PCSK5: variants seen among roughly 807,000 people sequenced by gnomAD.
PCSK5 encodes prohormone convertase 5.
PCSK5 carries 129 observed loss-of-function variants against 233.2 expected under a neutral mutation model. That is an observed-to-expected ratio of 0.55 (90% CI 0.48 to 0.64). The LOEUF is 0.64. PCSK5 is among the 30% of genes least tolerant of loss of function. The pLI is 0.00. For synonymous variants in PCSK5, 825 were observed against 879.2 expected, an observed-to-expected ratio of 0.94 and a Z score of 1.09; for missense variants, 2,076 against 2,430.1, an observed-to-expected ratio of 0.85 and a Z score of 3.06.
At chr9:75,996,857 C>G (rs892244411) in intron 3 of PCSK5, among the ~76,000 whole-genome samples, 1 of 113,506 alleles carries the variant, frequency 8.8e-6, no homozygotes, top group Non-Finnish European at 1.9e-5. Context: ...TAAGATTTTT[C>G]TTTAATTAGT....
chr9:76,078,489 G>T (rs1830717517), intron 7 of PCSK5, among the ~76,000 whole-genome samples: 1 of 152,242 alleles, frequency 6.6e-6, no homozygotes, highest in African/African-American at 2.4e-5. Context: ...TCATTCTTCT[G>T]TATAAGACTA....
intron 24 of PCSK5, among the ~76,000 whole-genome samples, chr9:76,285,104 GCT>G (rs1828022226): frequency 6.6e-6 from 1 of 152,174 alleles, no homozygotes; most frequent in African/African-American, 2.4e-5. Context: ...TTGGAGAGTG[GCT>G]GATGCTGGAA....
rs984199013 is a variant in PCSK5, at chr9:76,116,613, C to T, written c.1208+9262C>T. ...TAAGAGATAAAATGGTGGAAAAAAA[C>T]GGCAGTCAGCCTTCAATGAATGCTT... On this transcript the variant is annotated intron_variant, in intron 9 of 37. Transcript: ENST00000674117. Among the ~76,000 whole-genome samples, 5 of 151,484 alleles carry T rather than the reference C, an allele frequency of 3.3e-5. 1 individual carries two copies. In the South Asian group the frequency reaches 6.3e-4, roughly 19 times the overall value.
At chr9:76,038,425 T>C (rs919027406) in intron 5 of PCSK5, among the ~76,000 whole-genome samples, 1 of 152,222 alleles carries the variant, frequency 6.6e-6, no homozygotes, top group Non-Finnish European at 1.5e-5. Flanking sequence ...GCAGTCTTAA[T>C]TGTGACCTGT....
chr9:75,976,610 A>T (rs1826033648), intron 2 of PCSK5, among the ~76,000 whole-genome samples: 1 of 152,086 alleles, frequency 6.6e-6, no homozygotes, highest in Non-Finnish European at 1.5e-5. Context: ...CAAAAAAAAA[A>T]ATTGTCCTTA....
intron 3 of PCSK5, among the ~76,000 whole-genome samples, chr9:76,020,336 CTCTGGAT>C (rs1177688080): frequency 1.3e-5 from 2 of 152,176 alleles, no homozygotes; most frequent in African/African-American, 4.8e-5. Flanking sequence ...AGCCTTTGGT[CTCTGGAT>C]TCTTGAGGTA....
At chr9:76,004,955 T>A (rs1052071382) in intron 3 of PCSK5, among the ~76,000 whole-genome samples, 1 of 152,230 alleles carries the variant, frequency 6.6e-6, no homozygotes, top group African/African-American at 2.4e-5. Context: ...GGTTCTTATG[T>A]CCTTTTTCAG....
At chr9:75,937,241 C>T (rs145662330) in intron 2 of PCSK5, among the ~76,000 whole-genome samples, 396 of 149,704 alleles carry the variant, frequency 2.6e-3, no homozygotes, top group African/African-American at 8.1e-3. Flanking sequence ...TGCAATGGCA[C>T]GATTTCAGCT....
intron 3 of PCSK5, among the ~76,000 whole-genome samples, chr9:76,021,882 C>T (rs1185183847): frequency 6.6e-6 from 1 of 152,126 alleles, no homozygotes; most frequent in Non-Finnish European, 1.5e-5. Flanking sequence ...TAACTTTCTG[C>T]CTTCTGTGCC....
intron 24 of PCSK5, among the ~76,000 whole-genome samples, chr9:76,291,505 G>A (rs1332213361): frequency 6.6e-6 from 1 of 152,156 alleles, no homozygotes; most frequent in Non-Finnish European, 1.5e-5. Flanking sequence ...AAGAACTGCA[G>A]GCCAGAGGAA....
Position 76,296,816 on chromosome 9 carries a change from G to T in PCSK5, c.3474G>T (p.Gly1158=). The change falls in exon 27 of 38, where the codon GGG becomes GGT. Residue 1158 remains glycine, a synonymous_variant. Coordinates refer to ENST00000674117, the MANE Select transcript of PCSK5 (RefSeq NM_001372043.1). ...AGGAAGGACTGCAGCTGCTGCGTGGGATGTGCGTGCATGCCACCAAGACCC... is the reference window on the plus strand; with the variant it reads ...AGGAAGGACTGCAGCTGCTGCGTGGTATGTGCGTGCATGCCACCAAGACCC... ...SCQEGLQLLR[G]MCVHATKTQE... is the part of the protein sequence containing the mutation. 1 of 1,612,446 alleles carries T rather than the reference G, an allele frequency of 6.2e-7. No homozygotes were observed. The highest frequency in any genetic ancestry group is 8.5e-7 in the Non-Finnish European group (1 of 1,179,582).
intron 24 of PCSK5, among the ~76,000 whole-genome samples, chr9:76,269,718 A>C (rs564565387): frequency 1.4e-4 from 21 of 152,378 alleles, no homozygotes; most frequent in African/African-American, 4.8e-4. Context: ...CCATCACATA[A>C]CACAGAGGAC....
At chr9:76,167,532 CAA>C (rs1475903369) in intron 12 of PCSK5, among the ~76,000 whole-genome samples, 1 of 152,160 alleles carries the variant, frequency 6.6e-6, no homozygotes, top group African/African-American at 2.4e-5. Flanking sequence ...GGGAATATTG[CAA>C]AGTGTTAGCC....
At chr9:75,958,667 T>G (rs966253874) in intron 2 of PCSK5, among the ~76,000 whole-genome samples, 2 of 152,178 alleles carry the variant, frequency 1.3e-5, no homozygotes, top group Non-Finnish European at 1.5e-5. Context: ...GACCCTTGAT[T>G]TGGAGTCAGA....
At position 76,332,978 on chromosome 9, in the gene PCSK5, C is replaced by G. The variant is rs79307397; in HGVS notation, c.4748+368C>G. ...GATCACTTAAGGCAGGAGTTTGAAC[C>G]AGTATGGGCAACATCTTGAGACCCC... On this transcript the variant is annotated intron_variant, in intron 34 of 37. Transcript: ENST00000674117. 6.2e-3 allele frequency among the ~76,000 whole-genome samples: 947 copies of G among 152,314 alleles called. 2 individuals carry two copies. The highest frequency in any genetic ancestry group is 9.6e-3 in the Non-Finnish European group (652 of 68,036).
At chr9:75,976,841 T>G (rs944510788) in intron 2 of PCSK5, among the ~76,000 whole-genome samples, 5 of 152,106 alleles carry the variant, frequency 3.3e-5, no homozygotes, top group African/African-American at 1.2e-4. Context: ...TATCCCCTAA[T>G]TTATCAGTTT....
intron 20 of PCSK5, among the ~76,000 whole-genome samples, chr9:76,198,429 T>G (rs1330147413): frequency 1.3e-5 from 2 of 152,212 alleles, no homozygotes; most frequent in Non-Finnish European, 2.9e-5. Context: ...TAAAATGGAT[T>G]TATTTAATTT....
chr9:75,932,480 A>G lies in PCSK5; in HGVS notation c.294A>G (p.Pro98=). ...RGTHSFISME[P]KVEWIQQQVV... ...CCCACAGTTTCATTTCAATGGAACC[A>G]AAGGTAAGAAGAACCAGTTGCGTGG... Residue 98 remains proline, a synonymous_variant, in exon 2 of 38, where the codon CCA becomes CCG. Transcript: ENST00000674117. The G allele has an allele frequency of 6.3e-7, 1 of 1,587,066 alleles. No individual in the cohort carries two copies. Among genetic ancestry groups the G allele is most frequent in the Non-Finnish European group, 8.7e-7 (1 of 1,155,264 alleles).
At chr9:76,236,101 T>C (rs1826244565) in intron 22 of PCSK5, among the ~76,000 whole-genome samples, 1 of 152,228 alleles carries the variant, frequency 6.6e-6, no homozygotes, top group South Asian at 2.1e-4. Context: ...TCCAATTCTC[T>C]TCCAGATTTA....
Sources: gnomAD v4.1 joint callset for allele counts (sites outside exome capture counted in the v4.1 genomes callset) on GRCh38, gnomAD v4.1.1 for gene constraint, MANE v1.5 for transcripts, NCBI Gene and HGNC (gene_info 2026-07-23, HGNC 2026-07-21) for gene names.